The following SPMIP8 variants were observed in gnomAD, a reference collection of about 807,000 sequenced individuals.
SPMIP8 encodes testicular tissue protein Li 196.
At chr16:57,980,064 C>CA in the SPMIP8 span, among the ~76,000 whole-genome samples, 1 of 152,162 alleles carries the variant, frequency 6.6e-6, no homozygotes, top group African/African-American at 2.4e-5. Flanking sequence ...ACTCCATCTT[C>CA]AAAAAATAAA....
chr16:57,984,079 T>C, the SPMIP8 span, among the ~76,000 whole-genome samples: 1 of 151,782 alleles, frequency 6.6e-6, no homozygotes, highest in African/African-American at 2.4e-5. Flanking sequence ...AATTTTTGCA[T>C]TTTTAGTAGA....
chr16:57,986,358 A>C, the SPMIP8 span: 1 of 167,896 alleles, frequency 6.0e-6, no homozygotes, highest in Non-Finnish European at 1.3e-5. Context: ...ATAAGATAAG[A>C]ACAAGAGTTC....
At chr16:57,983,699 C>T in the SPMIP8 span, among the ~76,000 whole-genome samples, 6 of 152,274 alleles carry the variant, frequency 3.9e-5, no homozygotes, top group Admixed American at 1.3e-4. Context: ...GCAACCTCCA[C>T]CTCCTGGATT....
At chr16:57,985,079 C>T in the SPMIP8 span, 1 of 1,179,654 alleles carries the variant, frequency 8.5e-7, no homozygotes, top group Non-Finnish European at 1.1e-6. Flanking sequence ...GGGACCTGTT[C>T]TCCGTACACG....
the SPMIP8 span, chr16:57,978,137 T>C: frequency 7.4e-7 from 1 of 1,357,044 alleles, no homozygotes; most frequent in South Asian, 1.4e-5. Flanking sequence ...GTCCCAGCTC[T>C]GCTGCTCCCT....
the SPMIP8 span, among the ~76,000 whole-genome samples, chr16:57,977,448 C>G: frequency 7.3e-6 from 1 of 136,722 alleles, no homozygotes; most frequent in Non-Finnish European, 1.6e-5. Flanking sequence ...GAAAAAAAAA[C>G]GAATAGACTC....
At chr16:57,985,896 C>G in the SPMIP8 span, 3 of 1,611,166 alleles carry the variant, frequency 1.9e-6, no homozygotes, top group African/African-American at 2.7e-5. Context: ...TCACCCGCCC[C>G]GTTCTTTCCC....
chr16:57,987,260 C>T, the SPMIP8 span: 1 of 830,986 alleles, frequency 1.2e-6, no homozygotes, highest in Non-Finnish European at 1.7e-6. Context: ...ATACAGAAAA[C>T]AGGGAGCCAC....
At chr16:57,984,511 C>T in the SPMIP8 span, 1 of 1,508,014 alleles carries the variant, frequency 6.6e-7, no homozygotes, top group Admixed American at 2.0e-5. Context: ...TTCACGACTT[C>T]GGGCGCCCCC....
chr16:57,984,102 C>T, the SPMIP8 span, among the ~76,000 whole-genome samples: 2 of 151,934 alleles, frequency 1.3e-5, no homozygotes, highest in African/African-American at 4.8e-5. Flanking sequence ...TGGTCTTTCA[C>T]CATGTTGGCC....
At chr16:57,985,418 G>T in the SPMIP8 span, 1 of 1,612,648 alleles carries the variant, frequency 6.2e-7, no homozygotes, top group East Asian at 2.2e-5. Context: ...CCCTGTGTGG[G>T]GCGTGGGCAG....
At chr16:57,985,580 C>G in the SPMIP8 span, 1 of 1,565,914 alleles carries the variant, frequency 6.4e-7, no homozygotes, top group South Asian at 1.2e-5. Context: ...GACCCCATAT[C>G]TGGAGGAGGG....
chr16:57,981,106 C>T, the SPMIP8 span, among the ~76,000 whole-genome samples: 4 of 152,002 alleles, frequency 2.6e-5, no homozygotes, highest in East Asian at 3.9e-4. Context: ...CTTGGCCGGG[C>T]GTGGCGGTTC....
At chr16:57,983,374 C>T in the SPMIP8 span, among the ~76,000 whole-genome samples, 2 of 151,810 alleles carry the variant, frequency 1.3e-5, no homozygotes, top group Non-Finnish European at 2.9e-5. Flanking sequence ...AATATTTTTT[C>T]CATTTGTTTT....
At chr16:57,981,392 A>AATAATT in the SPMIP8 span, among the ~76,000 whole-genome samples, 55 of 83,580 alleles carry the variant, frequency 6.6e-4, 1 homozygote, top group Non-Finnish European at 1.4e-3. Flanking sequence ...TAATAATAAT[A>AATAATT]ATTATTATTA....
At chr16:57,985,104 G>A in the SPMIP8 span, 3 of 1,229,692 alleles carry the variant, frequency 2.4e-6, no homozygotes, top group East Asian at 2.7e-5. Context: ...GGTGGGGCTG[G>A]ATTGTGGGCG....
the SPMIP8 span, among the ~76,000 whole-genome samples, chr16:57,983,991 C>T: frequency 2.6e-5 from 4 of 152,010 alleles, no homozygotes; most frequent in Non-Finnish European, 5.9e-5. Context: ...GAAGCTTCGA[C>T]CTCCTGGACT....
chr16:57,979,666 C>G, the SPMIP8 span, among the ~76,000 whole-genome samples: 4 of 151,952 alleles, frequency 2.6e-5, no homozygotes, highest in Admixed American at 1.3e-4. Flanking sequence ...ACCACCCCCC[C>G]ACCACATTCT....
the SPMIP8 span, chr16:57,984,347 A>G: frequency 6.2e-7 from 1 of 1,614,070 alleles, no homozygotes; most frequent in South Asian, 1.1e-5. Context: ...GGTCCCCAAC[A>G]AACCCCTGCA....
Sources: gnomAD v4.1 joint callset for allele counts (sites outside exome capture counted in the v4.1 genomes callset) on GRCh38, gnomAD v4.1.1 for gene constraint, MANE v1.5 for transcripts, NCBI Gene and HGNC (gene_info 2026-07-23, HGNC 2026-07-21) for gene names.